Variants in KLHL14 observed in about 807,000 individuals in gnomAD.
KLHL14 encodes the protein kelch-like protein 14.
KLHL14 carries 22 observed loss-of-function variants against 64.3 expected under a neutral mutation model. The ratio of observed to expected loss-of-function variants is 0.34; its 90% CI spans 0.24 to 0.49. The LOEUF is 0.49. Ranked by LOEUF, KLHL14 falls within the 20% of genes least tolerant of loss-of-function variation. The probability of loss-of-function intolerance (pLI) is 0.99; values close to 1 mark genes in which losing one functional copy is unlikely to be tolerated. For missense variants in KLHL14, 661 were observed against 789.0 expected (o/e 0.84, Z 1.94); for synonymous variants, 322 against 333.4 (o/e 0.97, Z 0.37).
At chr18:32,717,559 A>C (rs2144506329) in intron 3 of KLHL14, among the ~76,000 whole-genome samples, 1 of 152,274 alleles carries the variant, frequency 6.6e-6, no homozygotes, top group East Asian at 1.9e-4. Flanking sequence ...GGGCATACGT[A>C]ATCCTATTTT....
chr18:32,757,213 C>T (rs2144545483), intron 2 of KLHL14, among the ~76,000 whole-genome samples: 1 of 152,302 alleles, frequency 6.6e-6, no homozygotes, highest in East Asian at 1.9e-4. Context: ...CTAGAAGCGA[C>T]AATGAAGTAA....
In KLHL14 at chr18:32,747,007, C is replaced by T. The variant is rs192977239; in HGVS notation, c.948-4958G>A. 5.9e-5 allele frequency among the ~76,000 whole-genome samples: 9 copies of T among 152,234 alleles called. No homozygotes were observed. The East Asian group carries it at 1.7e-3, about 29-fold the overall frequency. On this transcript the variant is annotated intron_variant, in intron 2 of 8. Coordinates refer to ENST00000359358, the MANE Select transcript of KLHL14 (RefSeq NM_020805.3). ...TGAGGACACTGACTTGGTCTAGTCC[C>T]CTACATAATATAGAAATCCTTCTGA...
intron 5 of KLHL14, 60 bp downstream of exon 5, chr18:32,687,095 G>T: frequency 7.3e-7 from 1 of 1,366,944 alleles, no homozygotes; most frequent in Non-Finnish European, 1.0e-6. Flanking sequence ...AAACCACCTA[G>T]CACCCATGCC....
chr18:32,735,349 C>T (rs994180267), intron 3 of KLHL14, among the ~76,000 whole-genome samples: 2 of 152,092 alleles, frequency 1.3e-5, no homozygotes, highest in Admixed American at 6.6e-5. Flanking sequence ...GTATATAGCA[C>T]CTCCTCTCTT....
At chr18:32,704,235 T>C (rs1004731427) in intron 3 of KLHL14, among the ~76,000 whole-genome samples, 5 of 152,172 alleles carry the variant, frequency 3.3e-5, no homozygotes, top group African/African-American at 1.2e-4. Context: ...TGTTATGTAG[T>C]TTAAATTATC....
chr18:32,759,725 C>CTCTCT (rs2050304148), intron 2 of KLHL14, among the ~76,000 whole-genome samples: 1 of 148,144 alleles, frequency 6.8e-6, no homozygotes, highest in Admixed American at 6.7e-5. Flanking sequence ...CTCTCTCTCT[C>CTCTCT]GTCATTTTGG....
Position 32,695,449 on chromosome 18 carries a change from T to C in KLHL14, c.1159+14A>G. The stretch of plus-strand genomic sequence containing the variant: ...ACTTGTTGAGCACCTCCAATTAAGT[T>C]GTTCAATAGTTACCATTCGGATTCC... On this transcript the variant is annotated intron_variant, in intron 4 of 8. Transcript: ENST00000359358. The C allele has an allele frequency of 6.4e-7, 1 of 1,551,458 alleles. No homozygotes were observed. The highest frequency in any genetic ancestry group is 8.9e-7 in the Non-Finnish European group (1 of 1,123,434).
chr18:32,693,883 C>A (rs1022006196), intron 4 of KLHL14, among the ~76,000 whole-genome samples: 1 of 152,200 alleles, frequency 6.6e-6, no homozygotes, highest in Non-Finnish European at 1.5e-5. Flanking sequence ...GGAATATGTC[C>A]TTTCAACTCT....
intron 2 of KLHL14, chr18:32,745,080 C>CTAA (rs1252820905): frequency 6.6e-6 from 1 of 152,214 alleles, no homozygotes. Context: ...CCCTCAATGG[C>CTAA]TGTGTGTTTT....
chr18:32,762,125 C>T (rs1269243108), intron 2 of KLHL14, among the ~76,000 whole-genome samples: 1 of 152,002 alleles, frequency 6.6e-6, no homozygotes, highest in Non-Finnish European at 1.5e-5. Context: ...ATCTTATTAA[C>T]TCAGATTACA....
chr18:32,770,553 G>T lies in KLHL14; in HGVS notation c.39C>A (p.Pro13=). The change falls in exon 2 of 9, where the codon CCC becomes CCA. Residue 13 remains proline (P), a synonymous_variant. Transcript: ENST00000359358. The surrounding 1 kb of genome is among the most constrained non-coding windows in gnomAD (Gnocchi z 6.7). The part of the protein sequence containing the change: ...RSGDRTSTFD[P]SHSDNLLHGL... Reference sequence around the variant, plus strand: ...CGTGCAGCAGGTTGTCGCTGTGGCTGGGGTCGAAGGTGGAGGTCCTGTCCC... The same window carrying T: ...CGTGCAGCAGGTTGTCGCTGTGGCTTGGGTCGAAGGTGGAGGTCCTGTCCC... 1 of 1,598,496 alleles carries T rather than the reference G, an allele frequency of 6.3e-7. No homozygotes were observed.
rs2050201960 is a variant in KLHL14 at position 32,742,065 on chromosome 18, A to T, written c.948-16T>A. 1 of 1,611,208 alleles carries T rather than the reference A, an allele frequency of 6.2e-7. No homozygotes were observed. Among genetic ancestry groups the T allele is most frequent in the African/African-American group, 1.3e-5 (1 of 74,694 alleles). On this transcript the variant is annotated splice_polypyrimidine_tract_variant and intron_variant, in intron 2 of 8. Coordinates refer to ENST00000359358, the MANE Select transcript of KLHL14 (RefSeq NM_020805.3). Reference sequence around the variant, plus strand: ...AGAGCGAATTCTTCACCCAAAACAAAAGAGGAGATGAATAACCACATTACT... The same window carrying T: ...AGAGCGAATTCTTCACCCAAAACAATAGAGGAGATGAATAACCACATTACT...
intron 4 of KLHL14, among the ~76,000 whole-genome samples, chr18:32,694,924 T>C (rs2049929640): frequency 6.6e-6 from 1 of 152,196 alleles, no homozygotes; most frequent in Non-Finnish European, 1.5e-5. Context: ...TATGATGTAA[T>C]CACATCTACG....
chr18:32,706,053 A>G (rs2049988592), intron 3 of KLHL14, among the ~76,000 whole-genome samples: 1 of 152,256 alleles, frequency 6.6e-6, no homozygotes, highest in African/African-American at 2.4e-5. Context: ...CATTTGTTCT[A>G]GCTAACTCAG....
intron 3 of KLHL14, among the ~76,000 whole-genome samples, chr18:32,703,152 T>A (rs1434766720): frequency 6.6e-6 from 1 of 152,210 alleles, no homozygotes; most frequent in Non-Finnish European, 1.5e-5. Context: ...GAAGGCCAGA[T>A]GCTATCATCT....
chr18:32,771,588 C>G (rs1432259359), intron 1 of KLHL14, among the ~76,000 whole-genome samples: 5 of 152,094 alleles, frequency 3.3e-5, no homozygotes, highest in African/African-American at 1.2e-4. Context: ...ATCTCCCCTT[C>G]CAGCGAGGGG....
intron 3 of KLHL14, 116 bp from the exon 4 acceptor site, chr18:32,695,668 G>A (rs1400759712): frequency 3.0e-6 from 2 of 669,008 alleles, no homozygotes; most frequent in Admixed American, 2.5e-5. Context: ...TGAGTCAGAG[G>A]AAGAAGATTG....
At chr18:32,741,901 G>C in intron 3 of KLHL14, 27 bp downstream of exon 3, 1 of 1,537,588 alleles carries the variant, frequency 6.5e-7, no homozygotes, top group Middle Eastern at 1.7e-4. Flanking sequence ...ATAGGTGAGT[G>C]AATAAATAAA....
chr18:32,765,511 G>A lies in KLHL14; in HGVS notation c.947+4134C>T, dbSNP rs537552463. ...TCCTGTTTCAGATAATAAACAAATTGTATTCTGAATGGTTGAATAATTTCT... is the reference window on the plus strand; with the variant it reads ...TCCTGTTTCAGATAATAAACAAATTATATTCTGAATGGTTGAATAATTTCT... On this transcript the variant is annotated intron_variant, in intron 2 of 8. Coordinates refer to ENST00000359358, the MANE Select transcript of KLHL14 (RefSeq NM_020805.3). Among the ~76,000 whole-genome samples, 13 of 152,186 alleles carry A rather than the reference G, an allele frequency of 8.5e-5. No individual in the cohort carries two copies. In the South Asian group the frequency reaches 1.0e-3, roughly 12 times the overall value.
Sources: allele counts gnomAD v4.1 joint callset (sites outside exome capture counted in the v4.1 genomes callset), GRCh38; gene constraint gnomAD v4.1.1; non-coding constraint Gnocchi (gnomAD v3.1); transcripts MANE v1.5; gene names NCBI Gene and HGNC (gene_info 2026-07-23, HGNC 2026-07-21).